Variants in DHRS9 observed in about 807,000 individuals in gnomAD.
DHRS9 encodes dehydrogenase/reductase 9, also known as dehydrogenase/reductase SDR family member 9.
A neutral mutation model predicts 26.6 loss-of-function variants in DHRS9; 18 were observed. The observed-to-expected ratio is 0.68, with a 90% CI of 0.47 to 1.00. DHRS9 has a LOEUF of 1.00. Ranked by LOEUF, DHRS9 falls within the 50% of genes least tolerant of loss-of-function variation. DHRS9 has a pLI of 0.00. For synonymous variants in DHRS9, 134 were observed against 141.1 expected, an observed-to-expected ratio of 0.95 and a Z score of 0.36; for missense variants, 425 against 378.7, an observed-to-expected ratio of 1.12 and a Z score of -1.01.
upstream of DHRS9, among the ~76,000 whole-genome samples, chr2:169,068,568 C>T (rs1453846748): frequency 7.2e-5 from 11 of 152,062 alleles, no homozygotes; most frequent in African/African-American, 1.4e-4. Flanking sequence ...TCAAGTGATC[C>T]GCCCGCTTTG....
At chr2:169,081,466 G>C (rs1328423202) in intron 1 of DHRS9, 57 bp from the exon 2 acceptor site, 1 of 1,485,888 alleles carries the variant, frequency 6.7e-7, no homozygotes, top group African/African-American at 1.4e-5. Context: ...ATCAGTCCTG[G>C]GTTATAATGC....
rs1684495691 is a variant in DHRS9 at position 169,090,767 on chromosome 2, CT to C, written c.573-1020del. Among the ~76,000 whole-genome samples, 9 of 152,270 alleles carry C rather than the reference CT, an allele frequency of 5.9e-5. No homozygotes were observed. The South Asian group carries it at 1.4e-3, about 25-fold the overall frequency. ...TGCAATGTTAAACATGACTTTTCAA[CT>C]TTACAATGGTGTGAAAGTGAGATGC... is the stretch of plus-strand genomic sequence containing the variant. On this transcript the variant is annotated intron_variant, in intron 3 of 4. Coordinates refer to ENST00000674881, the MANE Select transcript of DHRS9 (RefSeq NM_001376924.1).
chr2:169,072,567 T>C, intron 1 of DHRS9: 1 of 982,930 alleles, frequency 1.0e-6, no homozygotes, highest in East Asian at 1.1e-4. Flanking sequence ...TTTTAACTTT[T>C]TTACTAGGAA....
At chr2:169,092,769 A>G (rs931168582) in intron 4 of DHRS9, among the ~76,000 whole-genome samples, 1 of 152,222 alleles carries the variant, frequency 6.6e-6, no homozygotes, top group Non-Finnish European at 1.5e-5. Context: ...AATAATAAAG[A>G]TGACATAATG....
At chr2:169,083,644 C>CT (rs1359790643) in intron 3 of DHRS9, 57 bp downstream of exon 3, 92 of 1,578,730 alleles carry the variant, frequency 5.8e-5, no homozygotes, top group Non-Finnish European at 4.6e-5. Flanking sequence ...TTACTGAATG[C>CT]TTATGTACAA....
At chr2:169,089,359 G>T (rs1327323635) in intron 3 of DHRS9, among the ~76,000 whole-genome samples, 1 of 152,084 alleles carries the variant, frequency 6.6e-6, no homozygotes, top group Non-Finnish European at 1.5e-5. Flanking sequence ...TCCCCCACTG[G>T]CACTTTCAAT....
At chr2:169,075,826 CA>C (rs1172711932) in intron 1 of DHRS9, among the ~76,000 whole-genome samples, 4 of 152,138 alleles carry the variant, frequency 2.6e-5, no homozygotes, top group Non-Finnish European at 4.4e-5. Context: ...TGTGCCATCT[CA>C]GGGGGCATGC....
At chr2:169,075,710 G>A (rs904271079) in intron 1 of DHRS9, among the ~76,000 whole-genome samples, 3 of 151,968 alleles carry the variant, frequency 2.0e-5, no homozygotes, top group African/African-American at 4.8e-5. Context: ...TCATGACTTT[G>A]ATGTTTTTGA....
At chr2:169,069,126 C>T (rs146062664), upstream of DHRS9, among the ~76,000 whole-genome samples, 38 of 152,048 alleles carry the variant, frequency 2.5e-4, no homozygotes, top group African/African-American at 9.2e-4. Flanking sequence ...CTTGCTCGCC[C>T]ATCTTAAAAA....
intron 4 of DHRS9, among the ~76,000 whole-genome samples, chr2:169,094,225 A>G (rs1185297507): frequency 6.6e-6 from 1 of 152,078 alleles, no homozygotes; most frequent in African/African-American, 2.4e-5. Context: ...GGCCATTTGT[A>G]TCTTCTTTTG....
At chr2:169,071,201 C>T (rs1683795077) in intron 1 of DHRS9, among the ~76,000 whole-genome samples, 1 of 152,206 alleles carries the variant, frequency 6.6e-6, no homozygotes, top group African/African-American at 2.4e-5. Flanking sequence ...TTCCTTAAAG[C>T]CTTGTGACTA....
intron 4 of DHRS9, among the ~76,000 whole-genome samples, chr2:169,093,195 A>G (rs1684587740): frequency 6.6e-6 from 1 of 152,132 alleles, no homozygotes; most frequent in Admixed American, 6.5e-5. Context: ...CAGGCCTCTT[A>G]ATCAGTGGAC....
At chr2:169,067,731 A>G (rs985102025), upstream of DHRS9, among the ~76,000 whole-genome samples, 4 of 152,210 alleles carry the variant, frequency 2.6e-5, no homozygotes, top group African/African-American at 9.6e-5. Flanking sequence ...GAAATGAAAG[A>G]CAACTTGGCA....
At chr2:169,076,197 T>C (rs758534985) in intron 1 of DHRS9, among the ~76,000 whole-genome samples, 24 of 152,234 alleles carry the variant, frequency 1.6e-4, no homozygotes, top group Non-Finnish European at 2.9e-4. Context: ...TGAATTCATA[T>C]CTGATTTAAT....
Position 169,092,529 on chromosome 2 carries a change from C to T in DHRS9, c.736+576C>T, listed in dbSNP as rs550891319. Among the ~76,000 whole-genome samples, 4 of 152,354 alleles carry T rather than the reference C, an allele frequency of 2.6e-5. No homozygotes were observed. The East Asian group carries it at 5.8e-4, about 22-fold the overall frequency. On this transcript the variant is annotated intron_variant, in intron 4 of 4. Transcript: ENST00000674881. ...CCTTTACTTCTTAGGTGTAATCTAA[C>T]AGCCCAGAAATGGTGCTAGATGGTG... is the stretch of plus-strand genomic sequence containing the variant.
At chr2:169,073,140 C>G (rs1683857317) in intron 1 of DHRS9, among the ~76,000 whole-genome samples, 1 of 152,090 alleles carries the variant, frequency 6.6e-6, no homozygotes, top group African/African-American at 2.4e-5. Context: ...ACAACATTTA[C>G]TAAACATCAA....
chr2:169,090,011 A>G (rs769555642), intron 3 of DHRS9, among the ~76,000 whole-genome samples: 1 of 152,228 alleles, frequency 6.6e-6, no homozygotes, highest in Non-Finnish European at 1.5e-5. Flanking sequence ...ACTCACTTTT[A>G]AAAAAGATTT....
At position 169,069,686 on chromosome 2, in the gene DHRS9, C is replaced by A; in HGVS notation, c.-91C>A. On this transcript the variant is annotated 5_prime_UTR_variant, in exon 1 of 5. Coordinates refer to ENST00000674881, the MANE Select transcript of DHRS9 (RefSeq NM_001376924.1). Reference sequence around the variant, plus strand: ...GCCATCAGCTGAGCAAGTCCACCAACAGTTTCTGTGTCCCACTTCATCTTT... The same window carrying A: ...GCCATCAGCTGAGCAAGTCCACCAAAAGTTTCTGTGTCCCACTTCATCTTT... The A allele has an allele frequency of 2.0e-6, 2 of 985,460 alleles. No homozygotes were observed. Among genetic ancestry groups the A allele is most frequent in the Non-Finnish European group, 2.4e-6 (2 of 829,922 alleles). 61.0% of individuals were successfully genotyped at this position (985,460 alleles called of 1,614,324 possible).
In DHRS9 at chr2:169,089,034, C is replaced by T. The variant is rs145213081; in HGVS notation, c.573-2756C>T. ...GAACTTATCACCATCAGTTCAAATC[C>T]CCTAAAGTACAAGTGGTTCTTTCAG... On this transcript the variant is annotated intron_variant, in intron 3 of 4. Coordinates refer to ENST00000674881, the MANE Select transcript of DHRS9 (RefSeq NM_001376924.1). 7.3e-3 allele frequency among the ~76,000 whole-genome samples: 1,119 copies of T among 152,288 alleles called. 8 individuals are homozygous for T. Among genetic ancestry groups the T allele is most frequent in the Middle Eastern group, 0.061 (18 of 294 alleles).
Sources: gnomAD v4.1 joint callset for allele counts (sites outside exome capture counted in the v4.1 genomes callset) on GRCh38, gnomAD v4.1.1 for gene constraint, MANE v1.5 for transcripts, NCBI Gene and HGNC (gene_info 2026-07-23, HGNC 2026-07-21) for gene names.